PTPRJ: variants seen among roughly 807,000 people sequenced by gnomAD.
The protein encoded by PTPRJ is receptor-type tyrosine-protein phosphatase eta.
PTPRJ carries 129 observed loss-of-function variants against 141.3 expected under a neutral mutation model. That is an observed-to-expected ratio of 0.91 (90% confidence interval 0.79 to 1.06). PTPRJ has a LOEUF of 1.06. PTPRJ is among the 50% of genes least tolerant of loss of function. PTPRJ has a pLI of 0.00. For missense variants in PTPRJ, 1,601 were observed against 1,679.7 expected (o/e 0.95, Z 0.82); for synonymous variants, 610 against 640.5 (o/e 0.95, Z 0.72).
At chr11:47,982,199 T>C (rs1590378951) in intron 1 of PTPRJ, among the ~76,000 whole-genome samples, 1 of 152,162 alleles carries the variant, frequency 6.6e-6, no homozygotes, top group East Asian at 1.9e-4. Context: ...CCCCAGCAGG[T>C]TCTGCACAGG....
rs902963249 is a variant in PTPRJ at position 48,137,069 on chromosome 11, A to G, written c.1940A>G (p.Asn647Ser). 2 of 1,603,818 alleles carry G rather than the reference A, an allele frequency of 1.2e-6. No individual in the cohort carries two copies. Among genetic ancestry groups the G allele is most frequent in the Admixed American group, 1.7e-5 (1 of 59,992 alleles). The change falls in exon 10 of 25, where the codon AAC becomes AGC. Residue 647 changes from asparagine to serine, a missense_variant. Physicochemically the swap from Asn to Ser is conservative, Grantham distance 46 (BLOSUM62 1). Transcript: ENST00000418331. ...NTTAATLSWQ[N>S]FDDASPTYSY... ...ACAGCAGCAACTTTAAGTTGGCAGA[A>G]CTTTGATGACGCCTCTCCCACGTAC...
intron 1 of PTPRJ, among the ~76,000 whole-genome samples, chr11:48,081,466 C>T (rs1302753452): frequency 6.6e-6 from 1 of 152,114 alleles, no homozygotes; most frequent in African/African-American, 2.4e-5. Context: ...GCTTGGCGGA[C>T]GACTTGGGGC....
chr11:48,126,331 G>A (rs939605541), intron 6 of PTPRJ, among the ~76,000 whole-genome samples: 1 of 152,082 alleles, frequency 6.6e-6, no homozygotes, highest in Non-Finnish European at 1.5e-5. Context: ...CCTGCTTTGG[G>A]TTGAACTGTC....
chr11:47,992,639 A>G (rs966647549), intron 1 of PTPRJ, among the ~76,000 whole-genome samples: 1 of 152,208 alleles, frequency 6.6e-6, no homozygotes, highest in Non-Finnish European at 1.5e-5. Flanking sequence ...ATGTTCCAGA[A>G]AATACACACT....
chr11:48,118,906 G>C (rs189626714), intron 3 of PTPRJ, among the ~76,000 whole-genome samples: 45 of 150,820 alleles, frequency 3.0e-4, no homozygotes, highest in Admixed American at 2.6e-3. Flanking sequence ...TTTAATCCCA[G>C]CTACTTGGGA....
intron 18 of PTPRJ, among the ~76,000 whole-genome samples, chr11:48,153,050 G>A (rs888336925): frequency 6.6e-6 from 1 of 152,092 alleles, no homozygotes; most frequent in East Asian, 1.9e-4. Flanking sequence ...AAACACCACG[G>A]GTTTGGTCTA....
At chr11:48,098,335 A>G (rs1454430030) in intron 1 of PTPRJ, among the ~76,000 whole-genome samples, 3 of 152,324 alleles carry the variant, frequency 2.0e-5, no homozygotes, top group South Asian at 2.1e-4. Context: ...TACTGTAACT[A>G]GCGGGATAAG....
intron 1 of PTPRJ, among the ~76,000 whole-genome samples, chr11:48,075,700 T>C (rs1317126757): frequency 6.6e-6 from 1 of 152,202 alleles, no homozygotes; most frequent in African/African-American, 2.4e-5. Context: ...CCCAGAGTGC[T>C]GCGATTACAG....
intron 21 of PTPRJ, among the ~76,000 whole-genome samples, chr11:48,157,512 A>G (rs1441906021): frequency 1.3e-5 from 2 of 152,174 alleles, no homozygotes; most frequent in African/African-American, 4.8e-5. Context: ...GGGTGGTTCT[A>G]CCCTCAGAGT....
At chr11:48,089,541 A>C (rs10838804) in intron 1 of PTPRJ, among the ~76,000 whole-genome samples, 94,001 of 149,002 alleles carry the variant, frequency 0.63, 32,786 homozygotes, top group East Asian at 0.82. Context: ...AACAAAAAAA[A>C]CCCACACACA....
intron 1 of PTPRJ, among the ~76,000 whole-genome samples, chr11:48,109,503 TA>T (rs199599968): frequency 6.6e-6 from 1 of 152,168 alleles, no homozygotes; most frequent in East Asian, 1.9e-4. Context: ...GACATGTGAT[TA>T]AAAATTTTTA....
In PTPRJ at chr11:48,003,570, A is replaced by G. The variant is rs531765702; in HGVS notation, c.96+22562A>G. On this transcript the variant is annotated intron_variant, in intron 1 of 24. Coordinates refer to ENST00000418331, the MANE Select transcript of PTPRJ (RefSeq NM_002843.4). Reference sequence around the variant, plus strand: ...GAGTGCTGTGGCACGATCTTGGTTCACTGCAACGTCCGCCTCCCAGGTTCA... The same window carrying G: ...GAGTGCTGTGGCACGATCTTGGTTCGCTGCAACGTCCGCCTCCCAGGTTCA... 5.3e-5 allele frequency among the ~76,000 whole-genome samples: 8 copies of G among 152,254 alleles called. No individual in the cohort carries two copies. In the South Asian group the frequency reaches 1.4e-3, roughly 28 times the overall value.
chr11:48,068,131 G>A (rs561590056), intron 1 of PTPRJ, among the ~76,000 whole-genome samples: 19 of 152,200 alleles, frequency 1.2e-4, no homozygotes, highest in African/African-American at 4.1e-4. Flanking sequence ...AGATAGACAT[G>A]TTAGCGATGG....
intron 1 of PTPRJ, among the ~76,000 whole-genome samples, chr11:48,103,812 G>T (rs1001691473): frequency 1.3e-5 from 2 of 152,162 alleles, no homozygotes; most frequent in African/African-American, 4.8e-5. Context: ...TTCACCCTCG[G>T]CTGTGCGTCT....
In PTPRJ at chr11:48,137,401, C is replaced by T. The variant is rs1857130222; in HGVS notation, c.2152+120C>T. On this transcript the variant is annotated intron_variant, in intron 10 of 24. Transcript: ENST00000418331. ...GTGATGTGCAGTGATGGACATTGAG[C>T]TTTCCGAGGCATCCTGTTAGCTTAT... The T allele has an allele frequency of 3.7e-6, 4 of 1,069,674 alleles. No individual in the cohort carries two copies. In the South Asian group the frequency reaches 4.7e-5, roughly 13 times the overall value. 66.3% of individuals were successfully genotyped at this position (1,069,674 alleles called of 1,614,324 possible).
At chr11:48,029,253 A>T (rs1590417565) in intron 1 of PTPRJ, among the ~76,000 whole-genome samples, 1 of 152,144 alleles carries the variant, frequency 6.6e-6, no homozygotes, top group Admixed American at 6.6e-5. Flanking sequence ...AGCTCTTTTG[A>T]TGTCATTGCA....
At chr11:48,012,434 A>G (rs547044207) in intron 1 of PTPRJ, among the ~76,000 whole-genome samples, 4 of 152,284 alleles carry the variant, frequency 2.6e-5, no homozygotes, top group Admixed American at 6.5e-5. Flanking sequence ...GCCAAGCCCT[A>G]TGCTAAGCAC....
chr11:48,112,889 T>A lies in PTPRJ; in HGVS notation c.258T>A (p.Asp86Glu). The A allele has an allele frequency of 5.0e-6, 8 of 1,614,138 alleles. No homozygotes were observed. The highest frequency in any genetic ancestry group is 6.8e-6 in the Non-Finnish European group (8 of 1,180,016). ...TPQVETNTSE[D>E]GESSGANDSL... ...AGGTGGAAACAAACACCAGTGAGGA[T>A]GGTGAAAGCTCTGGAGCCAACGATA... Residue 86 changes from aspartate (D) to glutamate (E), a missense_variant, in exon 3 of 25, where the codon GAT (aspartate) becomes GAA (glutamate). By Grantham distance (45) the Asp-to-Glu change is conservative. Transcript: ENST00000418331.
Position 48,160,054 on chromosome 11 carries a change from G to C in PTPRJ, c.3558+5G>C. ...AGAGATTTCACAGTGAAAAATGTAA[G>C]TAAGAAGTCAGGATCAGTTGAGCTC... On this transcript the variant is annotated splice_donor_5th_base_variant and intron_variant, in intron 22 of 24. Transcript: ENST00000418331. 6.2e-7 allele frequency: 1 copy of C among 1,613,644 alleles called. No individual in the cohort carries two copies. The highest frequency in any genetic ancestry group is 8.5e-7 in the Non-Finnish European group (1 of 1,179,686).
Sources: gnomAD v4.1 joint callset for allele counts (sites outside exome capture counted in the v4.1 genomes callset) on GRCh38, gnomAD v4.1.1 for gene constraint, MANE v1.5 for transcripts, NCBI Gene and HGNC (gene_info 2026-07-23, HGNC 2026-07-21) for gene names.